CEACAM1: variants seen among roughly 807,000 people sequenced by gnomAD.
CEACAM1 encodes the protein cell adhesion molecule CEACAM1.
A neutral mutation model predicts 49.1 loss-of-function variants in CEACAM1; 31 were observed. That is an observed-to-expected ratio of 0.63 (90% CI 0.47 to 0.85). The LOEUF (loss-of-function observed/expected upper bound fraction) is 0.85, where lower values mean the gene tolerates loss of function less well. Among genes scored for constraint, CEACAM1 ranks in the 40% least tolerant of loss-of-function variants. The pLI is 0.00. For missense variants in CEACAM1, 570 were observed against 645.3 expected, an observed-to-expected ratio of 0.88 and a Z score of 1.26; for synonymous variants, 244 against 247.8, an observed-to-expected ratio of 0.98 and a Z score of 0.14.
intron 5 of CEACAM1, chr19:42,516,951 GTAATCAAAACAGTA>G (rs1368051312): frequency 2.7e-6 from 1 of 376,272 alleles, no homozygotes; most frequent in Non-Finnish European, 5.1e-6. Context: ...AAAAGCTACA[GTAATCAAAACAGTA>G]TGGTACTGGC....
rs184843759 is a variant in CEACAM1, at chr19:42,527,440, A to G, written c.65-40T>C. ...AGAGCATCAGTCAATATTGGGACCTATGCATTAGGGTAGAAAAATGGGGCC... is the reference window on the plus strand; with the variant it reads ...AGAGCATCAGTCAATATTGGGACCTGTGCATTAGGGTAGAAAAATGGGGCC... On this transcript the variant is annotated intron_variant, in intron 1 of 8. Transcript: ENST00000161559. 1.1e-4 allele frequency: 168 copies of G among 1,542,922 alleles called. No individual in the cohort carries two copies. The East Asian group carries it at 2.9e-3, about 26-fold the overall frequency.
intron 5 of CEACAM1, among the ~76,000 whole-genome samples, chr19:42,515,289 G>A (rs551892740): frequency 6.6e-6 from 1 of 152,018 alleles, no homozygotes; most frequent in Admixed American, 6.6e-5. Context: ...CCCCAAACCC[G>A]TGCAATACTA....
At chr19:42,526,042 G>A (rs892345863) in intron 2 of CEACAM1, among the ~76,000 whole-genome samples, 8 of 152,042 alleles carry the variant, frequency 5.3e-5, no homozygotes, top group African/African-American at 1.9e-4. Context: ...TGCAACCTCT[G>A]CCTCCCAGGT....
intron 1 of CEACAM1, among the ~76,000 whole-genome samples, 165 bp downstream of exon 1, chr19:42,528,146 C>T (rs1288355040): frequency 6.6e-6 from 1 of 152,196 alleles, no homozygotes; most frequent in African/African-American, 2.4e-5. Flanking sequence ...AGTTTCAGAT[C>T]ACTGAGACTT....
At chr19:42,517,853 G>A (rs1175194686) in intron 5 of CEACAM1, among the ~76,000 whole-genome samples, 1 of 152,174 alleles carries the variant, frequency 6.6e-6, no homozygotes, top group African/African-American at 2.4e-5. Flanking sequence ...ACTGAAAGCA[G>A]GGATTTGAAC....
At chr19:42,509,268 A>C (rs754290697) in intron 8 of CEACAM1, 40 bp from the exon 9 acceptor site, 4 of 1,572,200 alleles carry the variant, frequency 2.5e-6, no homozygotes, top group Non-Finnish European at 3.4e-6. Flanking sequence ...TCAGTGACAC[A>C]GGGCAGGGCC....
At chr19:42,514,289 G>A (rs2041544735) in intron 5 of CEACAM1, among the ~76,000 whole-genome samples, 1 of 151,732 alleles carries the variant, frequency 6.6e-6, no homozygotes, top group African/African-American at 2.4e-5. Flanking sequence ...GCGCCACCAC[G>A]CCTGGCTAAT....
At chr19:42,527,824 C>A in intron 1 of CEACAM1, 1 of 197,974 alleles carries the variant, frequency 5.1e-6, no homozygotes, top group Non-Finnish European at 1.0e-5. Flanking sequence ...TCTGTCTTCC[C>A]CACCCATGAG....
chr19:42,511,724 G>C, intron 6 of CEACAM1, 96 bp from the exon 7 acceptor site: 1 of 1,140,732 alleles, frequency 8.8e-7, no homozygotes, highest in Non-Finnish European at 1.3e-6. Flanking sequence ...ATTCCTTAGA[G>C]TCCTTGATGT....
chr19:42,528,266 C>T, intron 1 of CEACAM1, 45 bp downstream of exon 1: 2 of 1,571,338 alleles, frequency 1.3e-6, no homozygotes, highest in Non-Finnish European at 1.7e-6. Context: ...TAGCCATTCT[C>T]TGTGCGCCCT....
chr19:42,523,296 A>G (rs1485617193), intron 2 of CEACAM1, among the ~76,000 whole-genome samples: 1 of 152,240 alleles, frequency 6.6e-6, no homozygotes, highest in African/African-American at 2.4e-5. Context: ...TGTATGTTTC[A>G]GCAGAAATAA....
chr19:42,519,174 A>G lies in CEACAM1; in HGVS notation c.1020T>C (p.Asp340=). ...IKASKTTVTG[D]KDSVNLTCST... is the part of the protein sequence containing the mutation. ...AGCAGGTCAGGTTCACAGAGTCCTT[A>G]TCTCCTGTGACTGTGGTCTTGCTGG... The change falls in exon 5 of 9, where the codon GAT becomes GAC. Residue 340 remains aspartate, a synonymous_variant. Transcript: ENST00000161559. The G allele has an allele frequency of 1.2e-6, 2 of 1,614,058 alleles. No homozygotes were observed. Among genetic ancestry groups the G allele is most frequent in the Non-Finnish European group, 1.7e-6 (2 of 1,179,930 alleles).
intron 5 of CEACAM1, chr19:42,515,068 A>C (rs2147779557): frequency 1.5e-6 from 1 of 672,332 alleles, no homozygotes; most frequent in Non-Finnish European, 2.7e-6. Flanking sequence ...CAGGAGTTCG[A>C]GTCCAGCCTG....
At chr19:42,522,262 TTTTTC>T in intron 2 of CEACAM1, 60 bp from the exon 3 acceptor site, 1 of 1,575,192 alleles carries the variant, frequency 6.3e-7, no homozygotes, top group South Asian at 1.2e-5. Context: ...TCCACAGGCA[TTTTTC>T]TTTTCTTATT....
chr19:42,521,009 C>T lies in CEACAM1; in HGVS notation c.958+258G>A, dbSNP rs564810018. On this transcript the variant is annotated intron_variant, in intron 4 of 8. Coordinates refer to ENST00000161559, the MANE Select transcript of CEACAM1 (RefSeq NM_001712.5). Reference sequence around the variant, plus strand: ...CTGCTTCCCCCTCTGTGAAGCCCCTCCTGCTACACGGGGCTTTCTGGGGCT... The same window carrying T: ...CTGCTTCCCCCTCTGTGAAGCCCCTTCTGCTACACGGGGCTTTCTGGGGCT... 1.7e-5 allele frequency: 8 copies of T among 483,408 alleles called. No homozygotes were observed. In the East Asian group the frequency reaches 2.3e-4, roughly 14 times the overall value. The allele number at this position is 483,408 out of a possible 1,614,324, so 29.9% of individuals were successfully genotyped here.
In CEACAM1 at chr19:42,522,017, T is replaced by A; in HGVS notation, c.610A>T (p.Ser204Cys). 1 of 1,614,208 alleles carries A rather than the reference T, an allele frequency of 6.2e-7. No homozygotes were observed. Among genetic ancestry groups the A allele is most frequent in the South Asian group, 1.1e-5 (1 of 91,090 alleles). Residue 204 changes from serine to cysteine, a missense_variant, in exon 3 of 9, where the codon AGT (serine) becomes TGT (cysteine). By Grantham distance (112) the Ser-to-Cys change is moderately radical. Coordinates refer to ENST00000161559, the MANE Select transcript of CEACAM1 (RefSeq NM_001712.5). The part of the protein sequence containing the change: ...SNGNRTLTLL[S>C]VTRNDTGPYE... ...GGTCCTGTGTCATTCCTTGTGACAC[T>A]GAGTAGAGTGAGGGTCCTGTTGCCA... is the stretch of plus-strand genomic sequence containing the variant.
intron 8 of CEACAM1, 65 bp from the exon 9 acceptor site, chr19:42,509,293 G>A: frequency 1.3e-6 from 2 of 1,532,780 alleles, no homozygotes; most frequent in Non-Finnish European, 1.8e-6. Flanking sequence ...CTTGCCTGGT[G>A]TGATTCAGCA....
chr19:42,515,098 G>C (rs1203186945), intron 5 of CEACAM1: 13 of 643,038 alleles, frequency 2.0e-5, no homozygotes, highest in Non-Finnish European at 3.1e-5. Context: ...GTGAGATTCT[G>C]TCTCTCTGAA....
rs2041370469 is a variant in CEACAM1 at position 42,507,885 on chromosome 19, A to G, written c.*1224T>C. On this transcript the variant is annotated 3_prime_UTR_variant, in exon 9 of 9. Transcript: ENST00000161559. ...AGGCCAAGGTTTCCTGACAAAGTGA[A>G]TGGGGGCAAACAGAAAATGCACAGG... The G allele has an allele frequency of 6.6e-6, 1 of 152,272 alleles. No homozygotes were observed. Among genetic ancestry groups the G allele is most frequent in the African/African-American group, 2.4e-5 (1 of 41,478 alleles). 9.4% of individuals were successfully genotyped at this position (152,272 alleles called of 1,614,324 possible). A position where few individuals can be genotyped will look rare whatever the true frequency, so the allele number is the denominator to read the frequency against.
Sources: gnomAD v4.1 joint callset for allele counts (sites outside exome capture counted in the v4.1 genomes callset) on GRCh38, gnomAD v4.1.1 for gene constraint, MANE v1.5 for transcripts, NCBI Gene and HGNC (gene_info 2026-07-23, HGNC 2026-07-21) for gene names.